LPP: variants seen among roughly 807,000 people sequenced by gnomAD.
LPP encodes the protein LIM domain containing preferred translocation partner in lipoma, also known as lipoma-preferred partner.
In LPP, 38 loss-of-function variants were observed where a neutral mutation model predicts 60.4. That is an observed-to-expected ratio of 0.63 (90% CI 0.49 to 0.83). LPP has a LOEUF of 0.83. LPP is among the 40% of genes least tolerant of loss of function. LPP has a pLI of 0.00. For synonymous variants in LPP, 328 were observed against 290.8 expected, an observed-to-expected ratio of 1.13 and a Z score of -1.30; for missense variants, 902 against 783.6, an observed-to-expected ratio of 1.15 and a Z score of -1.80.
intron 6 of LPP, among the ~76,000 whole-genome samples, chr3:188,531,772 A>G (rs931405049): frequency 3.3e-5 from 5 of 152,126 alleles, no homozygotes; most frequent in African/African-American, 7.2e-5. Context: ...CGTATCCTCT[A>G]TAATAAACTA....
chr3:188,805,673 A>T (rs533314671), intron 9 of LPP, among the ~76,000 whole-genome samples: 18 of 151,810 alleles, frequency 1.2e-4, no homozygotes, highest in African/African-American at 4.3e-4. Flanking sequence ...CTATTTCCCT[A>T]AAGTTAAAGA....
At chr3:188,179,565 C>T (rs1277761027) in intron 1 of LPP, 1 of 446,918 alleles carries the variant, frequency 2.2e-6, no homozygotes, top group South Asian at 1.6e-5. Flanking sequence ...TTAAAGCCCT[C>T]TCGAGAGGTC....
chr3:188,805,138 A>G (rs1342294922), intron 9 of LPP, among the ~76,000 whole-genome samples: 1 of 151,994 alleles, frequency 6.6e-6, no homozygotes, highest in Non-Finnish European at 1.5e-5. Context: ...GTCATGAGGT[A>G]TACTAAACTG....
chr3:188,230,216 G>C (rs981519868), intron 2 of LPP, among the ~76,000 whole-genome samples: 21 of 151,980 alleles, frequency 1.4e-4, no homozygotes, highest in African/African-American at 5.1e-4. Context: ...TGCCCGAGTA[G>C]CTGGGACTAC....
intron 4 of LPP, among the ~76,000 whole-genome samples, chr3:188,478,365 A>G (rs912521969): frequency 8.5e-5 from 13 of 152,186 alleles, no homozygotes; most frequent in African/African-American, 2.7e-4. Context: ...TTTTTTTCAA[A>G]TAACAGAGCA....
At chr3:188,239,624 T>G (rs573899833) in intron 2 of LPP, among the ~76,000 whole-genome samples, 2 of 152,218 alleles carry the variant, frequency 1.3e-5, no homozygotes, top group Admixed American at 6.5e-5. Flanking sequence ...CCTTTGACAT[T>G]TTTAGTTTCT....
intron 6 of LPP, among the ~76,000 whole-genome samples, chr3:188,583,235 T>C (rs1329700551): frequency 6.6e-6 from 1 of 152,220 alleles, no homozygotes; most frequent in African/African-American, 2.4e-5. Context: ...TTTTAGATGT[T>C]GCATACCTCT....
intron 7 of LPP, among the ~76,000 whole-genome samples, chr3:188,659,399 G>GA (rs1854071946): frequency 6.6e-6 from 1 of 152,112 alleles, no homozygotes; most frequent in Non-Finnish European, 1.5e-5. Flanking sequence ...TTCCACCTTG[G>GA]AACTGTTTTT....
chr3:188,753,580 CGT>C (rs141731350), intron 8 of LPP, among the ~76,000 whole-genome samples: 6,481 of 139,506 alleles, frequency 0.046, 150 homozygotes, highest in Non-Finnish European at 0.057. Context: ...TTGTTGTGTG[CGT>C]GTGTGTGTGT....
intron 4 of LPP, among the ~76,000 whole-genome samples, chr3:188,439,802 T>C (rs1263353999): frequency 1.3e-5 from 2 of 152,228 alleles, no homozygotes; most frequent in Non-Finnish European, 2.9e-5. Flanking sequence ...TATTGTTCAC[T>C]ATATTACCAA....
intron 4 of LPP, among the ~76,000 whole-genome samples, chr3:188,429,624 CA>C (rs1198855617): frequency 2.0e-5 from 3 of 152,226 alleles, no homozygotes; most frequent in East Asian, 3.9e-4. Flanking sequence ...TTATAAATTG[CA>C]AAAAACAAAG....
chr3:188,475,640 C>G, intron 4 of LPP, among the ~76,000 whole-genome samples: 1 of 152,154 alleles, frequency 6.6e-6, no homozygotes, highest in East Asian at 1.9e-4. Flanking sequence ...TGGTGGCTCA[C>G]GCCTATAATC....
chr3:188,563,288 A>T (rs771443085), intron 6 of LPP, among the ~76,000 whole-genome samples: 13 of 152,016 alleles, frequency 8.6e-5, no homozygotes, highest in Non-Finnish European at 1.6e-4. Context: ...ATCACAACGG[A>T]TTTCAGCAGT....
intron 9 of LPP, among the ~76,000 whole-genome samples, chr3:188,843,014 T>G (rs747456871): frequency 9.2e-5 from 14 of 152,258 alleles, no homozygotes; most frequent in Non-Finnish European, 1.8e-4. Context: ...TTTCATTTTG[T>G]GCAGTTGTCT....
chr3:188,820,145 A>G (rs534427342), intron 9 of LPP, among the ~76,000 whole-genome samples: 1 of 152,290 alleles, frequency 6.6e-6, no homozygotes, highest in African/African-American at 2.4e-5. Context: ...CATTTCTCAA[A>G]CCATTACATT....
chr3:188,595,624 T>C (rs1055238106), intron 6 of LPP, among the ~76,000 whole-genome samples: 2 of 152,206 alleles, frequency 1.3e-5, no homozygotes, highest in African/African-American at 4.8e-5. Context: ...GGTTATCTAC[T>C]GCACTGAATG....
intron 2 of LPP, among the ~76,000 whole-genome samples, chr3:188,260,878 C>CA (rs1360768074): frequency 6.6e-6 from 1 of 151,808 alleles, no homozygotes; most frequent in Non-Finnish European, 1.5e-5. Flanking sequence ...ACTAAAAATA[C>CA]AAAAAAATTA....
intron 9 of LPP, among the ~76,000 whole-genome samples, chr3:188,845,548 A>G (rs1761185832): frequency 6.7e-6 from 1 of 150,238 alleles, no homozygotes; most frequent in African/African-American, 2.5e-5. Context: ...ATTGCCTGTG[A>G]TTTGTTCTCC....
In LPP at chr3:188,635,602, G is replaced by C. The variant is rs76798894; in HGVS notation, c.1113+25758G>C. On this transcript the variant is annotated intron_variant, in intron 7 of 11. Transcript: ENST00000617246. ...TCTCGTGTTTTGAGGAGTGGAAATTGTCTCAAAAAATCAGCATCTCAGCTC... is the reference window on the plus strand; with the variant it reads ...TCTCGTGTTTTGAGGAGTGGAAATTCTCTCAAAAAATCAGCATCTCAGCTC... Among the ~76,000 whole-genome samples, 457 of 152,264 alleles carry C rather than the reference G, an allele frequency of 3.0e-3. 3 individuals are homozygous for C. Among genetic ancestry groups the C allele is most frequent in the African/African-American group, 0.011 (439 of 41,552 alleles).
Sources: gnomAD v4.1 joint callset for allele counts (sites outside exome capture counted in the v4.1 genomes callset) on GRCh38, gnomAD v4.1.1 for gene constraint, MANE v1.5 for transcripts, NCBI Gene and HGNC (gene_info 2026-07-23, HGNC 2026-07-21) for gene names.